A4GALT: variants seen among roughly 807,000 people sequenced by gnomAD.
A4GALT encodes the protein alpha 1,4-galactosyltransferase (P1PK blood group).
For synonymous variants in A4GALT, 257 were observed against 220.7 expected, an observed-to-expected ratio of 1.16 and a Z score of -1.46; for missense variants, 512 against 486.0, an observed-to-expected ratio of 1.05 and a Z score of -0.50.
Position 42,712,926 on chromosome 22 carries a change from T to C in A4GALT, c.-188+7871A>G, listed in dbSNP as rs202133554. On this transcript the variant is annotated intron_variant, in intron 1 of 2. Coordinates refer to ENST00000642412, the MANE Select transcript of A4GALT (RefSeq NM_017436.7). ...AAAACAACAACTACAACAAAAATAG[T>C]AGCAAAAGAGAGTGCTCATTCTCCC... Among the ~76,000 whole-genome samples the C allele has an allele frequency of 5.3e-5, 8 of 152,112 alleles. 1 individual carries two copies. The East Asian group carries it at 7.7e-4, about 15-fold the overall frequency.
At chr22:42,709,067 A>ATTTTT (rs71186522) in intron 1 of A4GALT, among the ~76,000 whole-genome samples, 5 of 128,826 alleles carry the variant, frequency 3.9e-5, no homozygotes, top group Non-Finnish European at 3.3e-5. Context: ...ATATATATAT[A>ATTTTT]TTTTTTTTAA....
At chr22:42,703,806 T>C (rs28992196) in intron 1 of A4GALT, among the ~76,000 whole-genome samples, 171 of 152,242 alleles carry the variant, frequency 1.1e-3, no homozygotes, top group Non-Finnish European at 2.2e-3. Flanking sequence ...AGCACAGACC[T>C]GAGGCGCCAA....
intron 1 of A4GALT, among the ~76,000 whole-genome samples, chr22:42,712,917 CAAA>C (rs894165086): frequency 6.6e-6 from 1 of 152,088 alleles, no homozygotes; most frequent in African/African-American, 2.4e-5. Flanking sequence ...ACAACTACAA[CAAA>C]AATAGTAGCA....
At chr22:42,710,290 A>G (rs576391815) in intron 1 of A4GALT, among the ~76,000 whole-genome samples, 1 of 152,340 alleles carries the variant, frequency 6.6e-6, no homozygotes, top group South Asian at 2.1e-4. Flanking sequence ...GGTAGTATAA[A>G]CACACACACT....
chr22:42,708,126 A>G (rs1211722392), intron 1 of A4GALT, among the ~76,000 whole-genome samples: 2 of 144,130 alleles, frequency 1.4e-5, no homozygotes. Flanking sequence ...GGTGGCACCT[A>G]CCTGTAATCC....
chr22:42,692,913 C>G lies in A4GALT; in HGVS notation c.1039G>C (p.Glu347Gln). 1.2e-6 allele frequency: 2 copies of G among 1,605,204 alleles called. No homozygotes were observed. Among genetic ancestry groups the G allele is most frequent in the Non-Finnish European group, 1.7e-6 (2 of 1,179,836 alleles). The change falls in exon 3 of 3, where the codon GAG (glutamate) becomes CAG (glutamine). Residue 347 changes from glutamate (E) to glutamine (Q), a missense_variant. By Grantham distance (29) the Glu-to-Gln change is conservative (BLOSUM62 2). Transcript: ENST00000642412. This position sits in a 1 kb window ranked among gnomAD's most constrained non-coding sequence, Gnocchi z 4.6. ...CCTCACAAGTACATTTTCATGGCCT[C>G]GTGCGTCGTGGGGCAGTAGCGGGCA... ...LHARYCPTTH[E>Q]AMKMYL is the part of the protein sequence containing the mutation.
At chr22:42,705,030 G>T (rs28992186) in intron 1 of A4GALT, among the ~76,000 whole-genome samples, 2,664 of 152,250 alleles carry the variant, frequency 0.017, 67 homozygotes, top group African/African-American at 0.058. Context: ...AGACAGGTTA[G>T]GTTCTGGAGG....
At chr22:42,697,246 A>G (rs1194232253) in intron 1 of A4GALT, among the ~76,000 whole-genome samples, 2 of 152,012 alleles carry the variant, frequency 1.3e-5, no homozygotes, top group Non-Finnish European at 2.9e-5. Context: ...GAGTGAACCA[A>G]TGAGTGTGTA....
intron 1 of A4GALT, among the ~76,000 whole-genome samples, chr22:42,709,912 A>G (rs958258906): frequency 6.6e-6 from 1 of 152,226 alleles, no homozygotes; most frequent in East Asian, 1.9e-4. Flanking sequence ...TATTAAATAG[A>G]TCTAAGCAGA....
At chr22:42,719,406 T>C (rs1215123285) in intron 1 of A4GALT, among the ~76,000 whole-genome samples, 1 of 152,000 alleles carries the variant, frequency 6.6e-6, no homozygotes, top group Non-Finnish European at 1.5e-5. Context: ...GAGACTACAG[T>C]GAGCTGCCAC....
rs1930733245 is a variant in A4GALT at position 42,693,972 on chromosome 22, G to A, written c.-21C>T. The A allele has an allele frequency of 6.4e-7, 1 of 1,558,440 alleles. No homozygotes were observed. The highest frequency in any genetic ancestry group is 8.7e-7 in the Non-Finnish European group (1 of 1,152,322). On this transcript the variant is annotated 5_prime_UTR_variant, in exon 3 of 3. Coordinates refer to ENST00000642412, the MANE Select transcript of A4GALT (RefSeq NM_017436.7). ...GACATGGTATCCCCAGATCAGACCA[G>A]GAGCTTCCAGCAGGAACCGGCTGGT...
At chr22:42,719,336 GC>G (rs1922477235) in intron 1 of A4GALT, among the ~76,000 whole-genome samples, 1 of 152,166 alleles carries the variant, frequency 6.6e-6, no homozygotes, top group Non-Finnish European at 1.5e-5. Flanking sequence ...AGTGGTGTGT[GC>G]CTGCAGTCTC....
upstream of A4GALT, chr22:42,721,146 G>A (rs1922703787): frequency 6.6e-6 from 1 of 152,176 alleles, no homozygotes; most frequent in Admixed American, 6.5e-5. Flanking sequence ...AGAAAACTGA[G>A]GTTCAGAGGG....
intron 1 of A4GALT, among the ~76,000 whole-genome samples, chr22:42,703,886 A>G (rs1157562665): frequency 6.6e-6 from 1 of 152,162 alleles, no homozygotes; most frequent in East Asian, 1.9e-4. Flanking sequence ...ATTCAAATCC[A>G]GGCCCTGCCT....
At chr22:42,706,167 A>C (rs375308190) in intron 1 of A4GALT, among the ~76,000 whole-genome samples, 1 of 127,866 alleles carries the variant, frequency 7.8e-6, no homozygotes, top group East Asian at 2.2e-4. Flanking sequence ...CATCCTGGCT[A>C]ACACGGTGAA....
intron 1 of A4GALT, among the ~76,000 whole-genome samples, chr22:42,701,294 A>G (rs1043520866): frequency 6.6e-6 from 1 of 152,204 alleles, no homozygotes; most frequent in Non-Finnish European, 1.5e-5. Flanking sequence ...GGACAGGGGT[A>G]ACACCAGCAC....
chr22:42,694,063 T>A (rs1930740882), intron 2 of A4GALT, 66 bp from the exon 3 acceptor site: 1 of 985,260 alleles, frequency 1.0e-6, no homozygotes, highest in African/African-American at 1.6e-5. Context: ...GGAAAACGCT[T>A]CCTGTGAACA....
chr22:42,717,754 CCACACACACACCCACGCACGCACAAA>C (rs979579747), intron 1 of A4GALT, among the ~76,000 whole-genome samples: 2 of 151,904 alleles, frequency 1.3e-5, no homozygotes, highest in African/African-American at 4.8e-5. Flanking sequence ...AGACATACAC[CCACACACACACCCACGCACGCACAAA>C]CACACCCACA....
chr22:42,699,728 CCA>C (rs1304176153), intron 1 of A4GALT, among the ~76,000 whole-genome samples: 1 of 152,176 alleles, frequency 6.6e-6, no homozygotes, highest in Non-Finnish European at 1.5e-5. Flanking sequence ...TTGTTCCAAA[CCA>C]CAGTCGGGGC....
Sources: gnomAD v4.1 joint callset for allele counts (sites outside exome capture counted in the v4.1 genomes callset) on GRCh38, gnomAD v4.1.1 for gene constraint, Gnocchi (gnomAD v3.1) non-coding constraint, MANE v1.5 for transcripts, NCBI Gene and HGNC (gene_info 2026-07-23, HGNC 2026-07-21) for gene names.